CSNK1G2: variants seen among roughly 807,000 people sequenced by gnomAD.
CSNK1G2 encodes the protein casein kinase I isoform gamma-2.
In CSNK1G2, 11 loss-of-function variants were observed where a neutral mutation model predicts 48.0. That is an observed-to-expected ratio of 0.23 (90% CI 0.14 to 0.38). The LOEUF is 0.38. CSNK1G2 is among the 10% of genes least tolerant of loss of function. CSNK1G2 has a pLI of 1.00. For synonymous variants in CSNK1G2, 337 were observed against 254.1 expected, an observed-to-expected ratio of 1.33 and a Z score of -3.10; for missense variants, 446 against 595.5, an observed-to-expected ratio of 0.75 and a Z score of 2.61.
intron 1 of CSNK1G2, chr19:1,953,035 G>A (rs757708264): frequency 1.5e-5 from 6 of 404,538 alleles, no homozygotes; most frequent in African/African-American, 2.2e-5. Flanking sequence ...CAAAGGAAAT[G>A]TAGAAACGCA....
At chr19:1,963,213 G>GT (rs1255527653) in intron 1 of CSNK1G2, among the ~76,000 whole-genome samples, 3 of 151,964 alleles carry the variant, frequency 2.0e-5, no homozygotes, top group Non-Finnish European at 4.4e-5. Flanking sequence ...CAGTACTCTC[G>GT]TGAGTTTATT....
At chr19:1,961,074 C>T (rs1224788416) in intron 1 of CSNK1G2, among the ~76,000 whole-genome samples, 1 of 152,234 alleles carries the variant, frequency 6.6e-6, no homozygotes, top group African/African-American at 2.4e-5. Context: ...TGCGTCGCCC[C>T]CGCATGGTGG....
chr19:1,968,347 C>T (rs1288940817), intron 1 of CSNK1G2, among the ~76,000 whole-genome samples: 2 of 151,754 alleles, frequency 1.3e-5, no homozygotes, highest in Non-Finnish European at 2.9e-5. Context: ...TTCAGTTCTG[C>T]AGGTGGGGCT....
intron 2 of CSNK1G2, chr19:1,976,074 G>A (rs1029112694): frequency 7.8e-7 from 1 of 1,289,360 alleles, no homozygotes; most frequent in African/African-American, 1.5e-5. Context: ...AAAATAAAAT[G>A]GACCGGTGGA....
intron 1 of CSNK1G2, among the ~76,000 whole-genome samples, chr19:1,944,778 A>G (rs984586900): frequency 6.6e-6 from 1 of 151,908 alleles, no homozygotes; most frequent in Admixed American, 6.6e-5. Context: ...TATTCAATGC[A>G]CTGCGGGCAG....
At chr19:1,945,541 G>A (rs947160241) in intron 1 of CSNK1G2, among the ~76,000 whole-genome samples, 6 of 152,234 alleles carry the variant, frequency 3.9e-5, no homozygotes, top group African/African-American at 1.4e-4. Context: ...GCCAGCTCTG[G>A]CCGGGCGCGG....
chr19:1,975,376 T>C (rs1335627640), intron 2 of CSNK1G2: 3 of 985,336 alleles, frequency 3.0e-6, no homozygotes, highest in South Asian at 4.7e-5. Context: ...ACTGACACTT[T>C]GCCGGAGAAG....
At chr19:1,973,361 C>T (rs1444857942) in intron 2 of CSNK1G2, among the ~76,000 whole-genome samples, 1 of 152,162 alleles carries the variant, frequency 6.6e-6, no homozygotes, top group Non-Finnish European at 1.5e-5. Flanking sequence ...GATGAGATTA[C>T]AGGTGCCTGC....
chr19:1,942,940 C>A (rs780628785), intron 1 of CSNK1G2, among the ~76,000 whole-genome samples: 2 of 152,132 alleles, frequency 1.3e-5, no homozygotes, highest in African/African-American at 4.8e-5. Flanking sequence ...TGTGCAGGTA[C>A]GCGCACGCCT....
chr19:1,965,625 T>C (rs1383944464), intron 1 of CSNK1G2, among the ~76,000 whole-genome samples: 2 of 152,024 alleles, frequency 1.3e-5, no homozygotes, highest in Non-Finnish European at 2.9e-5. Flanking sequence ...CTCAGCCTCC[T>C]GAGTAGCTGG....
chr19:1,950,058 C>A (rs763178778), intron 1 of CSNK1G2, among the ~76,000 whole-genome samples: 1 of 152,238 alleles, frequency 6.6e-6, no homozygotes, highest in Non-Finnish European at 1.5e-5. Context: ...CCCAGCCCCA[C>A]AGGATCATCG....
At chr19:1,947,742 C>A (rs560263248) in intron 1 of CSNK1G2, among the ~76,000 whole-genome samples, 1 of 152,316 alleles carries the variant, frequency 6.6e-6, no homozygotes, top group East Asian at 1.9e-4. Context: ...GGGTGGTGTG[C>A]GTTTGCGCTG....
chr19:1,944,699 G>T (rs1042432117), intron 1 of CSNK1G2, among the ~76,000 whole-genome samples: 4 of 56,592 alleles, frequency 7.1e-5, no homozygotes, highest in Admixed American at 2.0e-4. Context: ...TGGCTGGGTG[G>T]GGGGGGGTAC....
chr19:1,944,354 C>G (rs926348890), intron 1 of CSNK1G2, among the ~76,000 whole-genome samples: 11 of 152,140 alleles, frequency 7.2e-5, no homozygotes. Flanking sequence ...CTTCCTCATT[C>G]TGGAGTTCTC....
chr19:1,958,549 C>G (rs1287821379), intron 1 of CSNK1G2, among the ~76,000 whole-genome samples: 1 of 132,204 alleles, frequency 7.6e-6, no homozygotes, highest in East Asian at 2.3e-4. Context: ...GTCCCCCCGT[C>G]CAGGGCTGCA....
At chr19:1,975,038 A>C (rs1210139753) in intron 2 of CSNK1G2, 1 of 983,808 alleles carries the variant, frequency 1.0e-6, no homozygotes, top group Non-Finnish European at 1.2e-6. Flanking sequence ...ACACCCACCC[A>C]GCACACACCC....
At chr19:1,962,791 G>GCACA (rs2015241265) in intron 1 of CSNK1G2, among the ~76,000 whole-genome samples, 1 of 141,102 alleles carries the variant, frequency 7.1e-6, no homozygotes, top group Non-Finnish European at 1.5e-5. Context: ...CCTCAAAGAT[G>GCACA]CACAGATCTC....
intron 1 of CSNK1G2, among the ~76,000 whole-genome samples, chr19:1,966,376 C>T (rs1189310884): frequency 6.6e-6 from 1 of 152,132 alleles, no homozygotes; most frequent in Non-Finnish European, 1.5e-5. Flanking sequence ...TTAGAAGCAG[C>T]AAGAGAACTA....
rs946478738 is a variant in CSNK1G2, at chr19:1,948,441, T to C, written c.-266+7023T>C. On this transcript the variant is annotated intron_variant, in intron 1 of 11. Transcript: ENST00000255641. Reference sequence around the variant, plus strand: ...GGGAGGCTGAGGGAGGAGAATGGCATGAACCCGGGAGGCGAAGCTTACAGT... The same window carrying C: ...GGGAGGCTGAGGGAGGAGAATGGCACGAACCCGGGAGGCGAAGCTTACAGT... 4.1e-5 allele frequency among the ~76,000 whole-genome samples: 6 copies of C among 146,698 alleles called. No individual in the cohort carries two copies. In the Admixed American group the frequency reaches 4.3e-4, roughly 10 times the overall value.
Sources: gnomAD v4.1 joint callset for allele counts (sites outside exome capture counted in the v4.1 genomes callset) on GRCh38, gnomAD v4.1.1 for gene constraint, MANE v1.5 for transcripts, NCBI Gene and HGNC (gene_info 2026-07-23, HGNC 2026-07-21) for gene names.